HAPLN1: variants seen among roughly 807,000 people sequenced by gnomAD.
HAPLN1 encodes the protein Cartilage link protein.
A neutral mutation model predicts 36.5 loss-of-function variants in HAPLN1; 13 were observed. The ratio of observed to expected loss-of-function variants is 0.36; its 90% CI spans 0.23 to 0.57. The LOEUF (loss-of-function observed/expected upper bound fraction) is 0.57. HAPLN1 is among the 20% of genes least tolerant of loss of function. HAPLN1 has a pLI of 0.83. For missense variants in HAPLN1, 407 were observed against 439.7 expected, an observed-to-expected ratio of 0.93 and a Z score of 0.66; for synonymous variants, 202 against 169.8, an observed-to-expected ratio of 1.19 and a Z score of -1.48.
rs192085526 is a variant in HAPLN1, at chr5:83,656,397, G to T, written c.101-3573C>A. Among the ~76,000 whole-genome samples the T allele has an allele frequency of 4.1e-5, 5 of 121,542 alleles. No individual in the cohort carries two copies. The East Asian group carries it at 1.3e-3, about 31-fold the overall frequency. 79.7% of individuals were successfully genotyped at this position (121,542 alleles called of 152,430 possible). A position where few individuals can be genotyped will look rare whatever the true frequency, so the allele number is the denominator to read the frequency against. On this transcript the variant is annotated intron_variant, in intron 2 of 4. Coordinates refer to ENST00000274341, the MANE Select transcript of HAPLN1 (RefSeq NM_001884.4). ...GTGGCATAGCAATTGAAATGCAAAA[G>T]ATAAAAATAAACCTTGATCATTAGA...
At chr5:83,691,089 T>C (rs1348128533) in intron 1 of HAPLN1, among the ~76,000 whole-genome samples, 1 of 152,082 alleles carries the variant, frequency 6.6e-6, no homozygotes, top group African/African-American at 2.4e-5. Context: ...CAGTAACTTC[T>C]GATTATTAGA....
At chr5:83,698,598 T>C (rs1269042520) in intron 1 of HAPLN1, among the ~76,000 whole-genome samples, 1 of 152,192 alleles carries the variant, frequency 6.6e-6, no homozygotes, top group African/African-American at 2.4e-5. Context: ...TAGTAGTTCA[T>C]GAAAATAATA....
intron 1 of HAPLN1, among the ~76,000 whole-genome samples, chr5:83,701,778 A>C (rs1234006549): frequency 1.3e-5 from 2 of 152,088 alleles, no homozygotes; most frequent in Non-Finnish European, 2.9e-5. Context: ...TCTCTACTAA[A>C]AGTACAAAAA....
chr5:83,654,948 A>G lies in HAPLN1; in HGVS notation c.101-2124T>C, dbSNP rs1267315550. 2.0e-5 allele frequency among the ~76,000 whole-genome samples: 3 copies of G among 152,242 alleles called. No individual in the cohort carries two copies. In the East Asian group the frequency reaches 5.8e-4, roughly 29 times the overall value. On this transcript the variant is annotated intron_variant, in intron 2 of 4. Transcript: ENST00000274341. Reference sequence around the variant, plus strand: ...ACCTAATACACATAAAGCACTTAGGACAATGGCTGACCAATACGAGGTGTA... The same window carrying G: ...ACCTAATACACATAAAGCACTTAGGGCAATGGCTGACCAATACGAGGTGTA...
intron 1 of HAPLN1, among the ~76,000 whole-genome samples, chr5:83,705,668 G>C (rs1300243104): frequency 6.6e-6 from 1 of 151,896 alleles, no homozygotes; most frequent in Non-Finnish European, 1.5e-5. Flanking sequence ...GAAAGAATTA[G>C]GGAAGCAAGA....
intron 1 of HAPLN1, among the ~76,000 whole-genome samples, chr5:83,681,818 C>A (rs756893127): frequency 6.6e-6 from 1 of 152,056 alleles, no homozygotes; most frequent in Non-Finnish European, 1.5e-5. Context: ...ATTGGTCAGG[C>A]GTGGTGGAGG....
intron 1 of HAPLN1, among the ~76,000 whole-genome samples, chr5:83,716,157 AT>A: frequency 6.6e-6 from 1 of 152,364 alleles, no homozygotes; most frequent in Non-Finnish European, 1.5e-5. Context: ...ACCAAGGAAT[AT>A]CCATAAGACT....
intron 1 of HAPLN1, among the ~76,000 whole-genome samples, chr5:83,678,957 T>C (rs1453102223): frequency 6.6e-6 from 1 of 152,180 alleles, no homozygotes; most frequent in African/African-American, 2.4e-5. Context: ...AAGTTTTTCT[T>C]GCAAAGATTT....
At chr5:83,689,920 T>G (rs4466137) in intron 1 of HAPLN1, among the ~76,000 whole-genome samples, 116,665 of 152,008 alleles carry the variant, frequency 0.77, 44,944 homozygotes, top group East Asian at 0.83. Flanking sequence ...ATAGGAAATT[T>G]TATATGAACA....
chr5:83,686,991 A>G (rs892739240), intron 1 of HAPLN1, among the ~76,000 whole-genome samples: 2 of 152,228 alleles, frequency 1.3e-5, no homozygotes, highest in African/African-American at 4.8e-5. Context: ...AATAGGTGGA[A>G]CTGGCTGTTT....
intron 1 of HAPLN1, among the ~76,000 whole-genome samples, chr5:83,688,954 G>A (rs1386291242): frequency 6.6e-6 from 1 of 151,994 alleles, no homozygotes; most frequent in African/African-American, 2.4e-5. Flanking sequence ...GCAGAACCTT[G>A]GGAACTTAAA....
At chr5:83,657,458 A>G (rs1750253153) in intron 2 of HAPLN1, among the ~76,000 whole-genome samples, 1 of 152,196 alleles carries the variant, frequency 6.6e-6, no homozygotes, top group Non-Finnish European at 1.5e-5. Flanking sequence ...CATTTTATGA[A>G]TCATCATGGG....
intron 2 of HAPLN1, among the ~76,000 whole-genome samples, chr5:83,663,733 T>G (rs1199203601): frequency 1.3e-5 from 2 of 152,028 alleles, no homozygotes; most frequent in Non-Finnish European, 2.9e-5. Flanking sequence ...CAGCTGAGCT[T>G]GAGGTGTCTG....
intron 2 of HAPLN1, among the ~76,000 whole-genome samples, chr5:83,672,288 C>A (rs1390219110): frequency 6.6e-6 from 1 of 152,178 alleles, no homozygotes; most frequent in Non-Finnish European, 1.5e-5. Flanking sequence ...CATTAGAAAT[C>A]TCTATGTGTA....
chr5:83,693,332 ACT>A (rs1751322155), intron 1 of HAPLN1, among the ~76,000 whole-genome samples: 2 of 151,900 alleles, frequency 1.3e-5, no homozygotes, highest in Admixed American at 6.6e-5. Context: ...GTAAACAAAG[ACT>A]CATAACTAAT....
chr5:83,716,884 T>G (rs1160608126), intron 1 of HAPLN1, among the ~76,000 whole-genome samples: 2 of 151,938 alleles, frequency 1.3e-5, no homozygotes, highest in African/African-American at 2.4e-5. Flanking sequence ...ATACAAAAAT[T>G]AGCCGGGCAT....
At chr5:83,716,947 G>C (rs973215455) in intron 1 of HAPLN1, among the ~76,000 whole-genome samples, 2 of 152,092 alleles carry the variant, frequency 1.3e-5, no homozygotes, top group African/African-American at 4.8e-5. Flanking sequence ...CAGGGGAATC[G>C]CTTGAACCTG....
intron 1 of HAPLN1, among the ~76,000 whole-genome samples, chr5:83,706,183 C>T (rs1215841349): frequency 6.6e-6 from 1 of 151,202 alleles, no homozygotes; most frequent in East Asian, 1.9e-4. Context: ...AGAGCTTGTA[C>T]CATTCCAAAA....
chr5:83,649,741 GC>G (rs1408576940), intron 3 of HAPLN1, among the ~76,000 whole-genome samples: 1 of 152,180 alleles, frequency 6.6e-6, no homozygotes, highest in African/African-American at 2.4e-5. Context: ...GAACCACCAT[GC>G]CCGGCCGTGT....
Sources: gnomAD v4.1 joint callset for allele counts (sites outside exome capture counted in the v4.1 genomes callset) on GRCh38, gnomAD v4.1.1 for gene constraint, MANE v1.5 for transcripts, NCBI Gene and HGNC (gene_info 2026-07-23, HGNC 2026-07-21) for gene names.